Variants in EDARADD observed in about 807,000 individuals in gnomAD.
EDARADD encodes EDAR associated via death domain.
EDARADD carries 20 observed loss-of-function variants against 25.6 expected under a neutral mutation model. The observed-to-expected ratio is 0.78, with a 90% CI of 0.55 to 1.14. EDARADD has a LOEUF of 1.14. EDARADD is among the 50% of genes most tolerant of loss of function. The pLI, the probability that EDARADD is intolerant of heterozygous loss-of-function variation, is 0.00. For missense variants in EDARADD, 225 were observed against 270.1 expected (o/e 0.83, Z 1.17); for synonymous variants, 86 against 94.4 (o/e 0.91, Z 0.52).
At chr1:236,423,598 C>A (rs574067370) in intron 3 of EDARADD, among the ~76,000 whole-genome samples, 1 of 152,122 alleles carries the variant, frequency 6.6e-6, no homozygotes, top group Non-Finnish European at 1.5e-5. Flanking sequence ...CTTGAAATGC[C>A]CCATGGGTGC....
chr1:236,424,154 CTTTTTTT>C (rs34454343), intron 3 of EDARADD, among the ~76,000 whole-genome samples: 12 of 74,400 alleles, frequency 1.6e-4, no homozygotes, highest in East Asian at 3.9e-4. Flanking sequence ...TGTGAAGCAT[CTTTTTTT>C]TTTTTTTTTT....
At chr1:236,437,933 A>T (rs1333605453) in intron 4 of EDARADD, among the ~76,000 whole-genome samples, 4 of 151,872 alleles carry the variant, frequency 2.6e-5, no homozygotes, top group Admixed American at 2.6e-4. Flanking sequence ...ATTTTTGTAG[A>T]GACGGGGTTT....
In EDARADD at chr1:236,473,279, C is replaced by T. The variant is rs981211920; in HGVS notation, c.265+5003C>T. 3.9e-5 allele frequency among the ~76,000 whole-genome samples: 6 copies of T among 152,026 alleles called. No homozygotes were observed. In the South Asian group the frequency reaches 8.3e-4, roughly 21 times the overall value. On this transcript the variant is annotated intron_variant, in intron 5 of 5. Coordinates refer to ENST00000334232, the MANE Select transcript of EDARADD (RefSeq NM_145861.4). ...GTAGGGGGAGGGTGCCACTTTAGCT[C>T]GGAAAGGGTAGCGAGACCCAAACAA...
chr1:236,433,316 G>A (rs544381087), intron 4 of EDARADD, among the ~76,000 whole-genome samples: 7 of 59,112 alleles, frequency 1.2e-4, no homozygotes, highest in East Asian at 1.7e-3. Flanking sequence ...CAGCACTTTG[G>A]GGGGGGCCGA....
Position 236,361,848 on chromosome 1 carries a change from T to A in EDARADD, c.-6+11009T>A, listed in dbSNP as rs886289527. On this transcript the variant is annotated intron_variant, in intron 3 of 7. Coordinates refer to the EDARADD transcript ENST00000439430. ...TTGGGTTGTTTCCAGTTTGGGGCTA[T>A]TACAAATACTTTTCTGAACATCCGT... Among the ~76,000 whole-genome samples, 3 of 152,096 alleles carry A rather than the reference T, an allele frequency of 2.0e-5. No homozygotes were observed. In the East Asian group the frequency reaches 5.8e-4, roughly 29 times the overall value.
At chr1:236,364,375 T>G (rs11801553) in intron 3 of EDARADD, among the ~76,000 whole-genome samples, 6,992 of 152,200 alleles carry the variant, frequency 0.046, 400 homozygotes, top group East Asian at 0.24. Context: ...GTTTGCCCAC[T>G]CTATAAACTC....
chr1:236,458,680 G>A lies in EDARADD; in HGVS notation c.220-9551G>A, dbSNP rs113599670. On this transcript the variant is annotated intron_variant, in intron 4 of 5. Coordinates refer to ENST00000334232, the MANE Select transcript of EDARADD (RefSeq NM_145861.4). Reference sequence around the variant, plus strand: ...TTTTTTGAGACGGAGTTTCACTCTTGTTGCCCAGGCTGGAATGCGATGGCC... The same window carrying A: ...TTTTTTGAGACGGAGTTTCACTCTTATTGCCCAGGCTGGAATGCGATGGCC... Among the ~76,000 whole-genome samples, 112 of 59,022 alleles carry A rather than the reference G, an allele frequency of 1.9e-3. 3 individuals are homozygous for A. Among genetic ancestry groups the A allele is most frequent in the African/African-American group, 7.2e-3 (109 of 15,146 alleles). The allele number at this position is 59,022 out of a possible 152,430, so 38.7% of individuals were successfully genotyped here. A position where few individuals can be genotyped will look rare whatever the true frequency, so the allele number is the denominator to read the frequency against.
At position 236,447,494 on chromosome 1, in the gene EDARADD, T is replaced by C. The variant is rs985524512; in HGVS notation, c.219+20044T>C. Among the ~76,000 whole-genome samples, 13 of 152,036 alleles carry C rather than the reference T, an allele frequency of 8.6e-5. 1 individual carries two copies. The highest frequency in any genetic ancestry group is 3.9e-4 in the Admixed American group (6 of 15,252). Reference sequence around the variant, plus strand: ...TGGTCACACATGTACCTCTTACCCTTCATTTGCATGTCCTCCCGCCATCCT... The same window carrying C: ...TGGTCACACATGTACCTCTTACCCTCCATTTGCATGTCCTCCCGCCATCCT... On this transcript the variant is annotated intron_variant, in intron 4 of 5. Transcript: ENST00000334232.
At chr1:236,468,940 A>C (rs1348464143) in intron 5 of EDARADD, among the ~76,000 whole-genome samples, 1 of 152,090 alleles carries the variant, frequency 6.6e-6, no homozygotes, top group Non-Finnish European at 1.5e-5. Flanking sequence ...AAGGGACCAG[A>C]AGCCAGCTGG....
Position 236,414,365 on chromosome 1 carries a change from C to T in EDARADD, c.160+66C>T, listed in dbSNP as rs560637730. The T allele has an allele frequency of 9.4e-4, 1,232 of 1,313,652 alleles. 19 individuals are homozygous for T. In the South Asian group the frequency reaches 0.015, roughly 16 times the overall value. The allele number at this position is 1,313,652 out of a possible 1,614,324, so 81.4% of individuals were successfully genotyped here. A position where few individuals can be genotyped will look rare whatever the true frequency, so the allele number is the denominator to read the frequency against. On this transcript the variant is annotated intron_variant, in intron 3 of 5. Transcript: ENST00000334232. ...TTAATATTGTGAACAAAGCACTAGT[C>T]GACCTAATTTTTCATTATTTAAAAT...
At chr1:236,480,445 A>C (rs1558139333) in intron 5 of EDARADD, among the ~76,000 whole-genome samples, 1 of 152,110 alleles carries the variant, frequency 6.6e-6, no homozygotes, top group Non-Finnish European at 1.5e-5. Context: ...TTAGTAGGTC[A>C]AAGAGTATGA....
intron 3 of EDARADD, among the ~76,000 whole-genome samples, chr1:236,424,977 CA>C (rs1657876052): frequency 6.6e-6 from 1 of 152,214 alleles, no homozygotes; most frequent in African/African-American, 2.4e-5. Flanking sequence ...TTTTTGTCTC[CA>C]TATGTCCCAA....
chr1:236,368,442 T>TTC (rs1448323069), intron 3 of EDARADD, among the ~76,000 whole-genome samples: 25 of 142,944 alleles, frequency 1.7e-4, no homozygotes, highest in Admixed American at 6.2e-4. Flanking sequence ...AGTCTTTTCT[T>TTC]TTTTTTTTTT....
At chr1:236,354,598 A>C (rs1666954025) in intron 3 of EDARADD, among the ~76,000 whole-genome samples, 1 of 152,212 alleles carries the variant, frequency 6.6e-6, no homozygotes, top group South Asian at 2.1e-4. Flanking sequence ...ACTCTTGCTA[A>C]ACTCCCTAAC....
At chr1:236,453,007 C>G (rs78787141) in intron 4 of EDARADD, among the ~76,000 whole-genome samples, 1 of 152,174 alleles carries the variant, frequency 6.6e-6, no homozygotes, top group Admixed American at 6.5e-5. Flanking sequence ...ACTTGCCCCC[C>G]ACTCCCACAT....
intron 1 of EDARADD, among the ~76,000 whole-genome samples, chr1:236,405,739 TTCTTTCTTTC>T: frequency 2.3e-5 from 1 of 43,764 alleles, no homozygotes; most frequent in South Asian, 8.3e-4. Flanking sequence ...CTTTCTTTCT[TTCTTTCTTTC>T]TTTCTTTCTT....
intron 4 of EDARADD, among the ~76,000 whole-genome samples, chr1:236,450,178 T>C (rs1371095515): frequency 6.6e-6 from 1 of 151,844 alleles, no homozygotes; most frequent in Non-Finnish European, 1.5e-5. Context: ...AAGTCTGTAG[T>C]CCCAGCTACT....
chr1:236,468,133 C>G (rs1659264842), intron 4 of EDARADD, 98 bp from the exon 5 acceptor site: 2 of 1,240,938 alleles, frequency 1.6e-6, no homozygotes, highest in Non-Finnish European at 2.4e-6. Context: ...ACCCCAGCCC[C>G]CAGGGTTTTG....
chr1:236,372,910 T>C (rs1337340869), intron 3 of EDARADD, among the ~76,000 whole-genome samples: 2 of 120,112 alleles, frequency 1.7e-5, no homozygotes, highest in Non-Finnish European at 3.4e-5. Context: ...ATGTCTCTTC[T>C]TACATTTTTT....
Sources: allele counts gnomAD v4.1 joint callset (sites outside exome capture counted in the v4.1 genomes callset), GRCh38; gene constraint gnomAD v4.1.1; transcripts MANE v1.5; gene names NCBI Gene and HGNC (gene_info 2026-07-23, HGNC 2026-07-21).